DNMBP: variants seen among roughly 807,000 people sequenced by gnomAD.
DNMBP encodes the protein dynamin-binding protein.
A neutral mutation model predicts 150.0 loss-of-function variants in DNMBP; 87 were observed. The observed-to-expected ratio is 0.58, with a 90% CI of 0.49 to 0.69. The LOEUF (loss-of-function observed/expected upper bound fraction) is 0.69. Ranked by LOEUF, DNMBP falls within the 30% of genes least tolerant of loss-of-function variation. DNMBP has a pLI of 0.00. For missense variants in DNMBP, 1,774 were observed against 1,949.0 expected, an observed-to-expected ratio of 0.91 and a Z score of 1.69; for synonymous variants, 711 against 750.4, an observed-to-expected ratio of 0.95 and a Z score of 0.86.
intron 3 of DNMBP, among the ~76,000 whole-genome samples, chr10:99,960,069 C>T (rs369230784): frequency 6.4e-4 from 97 of 152,028 alleles, no homozygotes; most frequent in South Asian, 8.3e-4. Context: ...CCTCACAAAA[C>T]GTAAGCTGAA....
At chr10:99,958,629 T>C (rs145114707) in intron 3 of DNMBP, among the ~76,000 whole-genome samples, 1 of 152,238 alleles carries the variant, frequency 6.6e-6, no homozygotes, top group Non-Finnish European at 1.5e-5. Flanking sequence ...TCTACTACCA[T>C]GGGCTTGGCA....
intron 11 of DNMBP, among the ~76,000 whole-genome samples, chr10:99,890,525 T>G (rs992646477): frequency 3.3e-5 from 5 of 152,170 alleles, no homozygotes; most frequent in Admixed American, 3.3e-4. Flanking sequence ...AGGTATATAG[T>G]GTCACACTTT....
chr10:100,009,668 A>G (rs1225587379), intron 1 of DNMBP, among the ~76,000 whole-genome samples, 170 bp downstream of exon 1: 1 of 151,636 alleles, frequency 6.6e-6, no homozygotes, highest in Non-Finnish European at 1.5e-5. Flanking sequence ...CTCCTGGCCC[A>G]CAGAGCGCAG....
chr10:99,889,894 G>C (rs1171227183), intron 11 of DNMBP, among the ~76,000 whole-genome samples: 1 of 151,540 alleles, frequency 6.6e-6, no homozygotes, highest in Non-Finnish European at 1.5e-5. Flanking sequence ...TATAGGATTA[G>C]GATAATGACC....
At chr10:99,935,600 C>T (rs563073959) in intron 4 of DNMBP, among the ~76,000 whole-genome samples, 33 of 152,156 alleles carry the variant, frequency 2.2e-4, no homozygotes, top group African/African-American at 7.7e-4. Context: ...GTTTTGCTCT[C>T]GTCACACAGG....
chr10:99,994,008 G>A (rs2040926054), intron 1 of DNMBP, among the ~76,000 whole-genome samples: 1 of 152,176 alleles, frequency 6.6e-6, no homozygotes, highest in Non-Finnish European at 1.5e-5. Context: ...TGGAGGGTAG[G>A]TAACAAACAC....
At chr10:99,998,105 C>G (rs570621512) in intron 1 of DNMBP, among the ~76,000 whole-genome samples, 154 of 150,878 alleles carry the variant, frequency 1.0e-3, no homozygotes, top group Non-Finnish European at 1.9e-3. Flanking sequence ...CGTGGTGGCG[C>G]ACACCTGTAT....
intron 15 of DNMBP, among the ~76,000 whole-genome samples, chr10:99,882,639 AAAACTT>A (rs1407239018): frequency 1.2e-4 from 19 of 152,320 alleles, no homozygotes; most frequent in African/African-American, 3.4e-4. Flanking sequence ...GTTATAAACT[AAAACTT>A]AAAGTATCTC....
At chr10:99,972,170 A>G (rs1370046216) in intron 1 of DNMBP, 36 bp from the exon 2 acceptor site, 9 of 1,566,670 alleles carry the variant, frequency 5.7e-6, no homozygotes, top group Non-Finnish European at 7.8e-6. Flanking sequence ...GAAAACATCA[A>G]TATTTAAGAC....
At chr10:99,949,994 C>G (rs990246761) in intron 4 of DNMBP, among the ~76,000 whole-genome samples, 6 of 152,050 alleles carry the variant, frequency 3.9e-5, no homozygotes, top group African/African-American at 1.4e-4. Flanking sequence ...TTTTATTCTC[C>G]CACCTATATA....
At chr10:99,982,865 C>A (rs563120664) in intron 1 of DNMBP, among the ~76,000 whole-genome samples, 1 of 151,862 alleles carries the variant, frequency 6.6e-6, no homozygotes, top group African/African-American at 2.4e-5. Flanking sequence ...TATGGGGGAG[C>A]AGCTCTGAGG....
chr10:99,998,031 C>T (rs1324380057), intron 1 of DNMBP, among the ~76,000 whole-genome samples: 2 of 145,308 alleles, frequency 1.4e-5, no homozygotes, highest in Non-Finnish European at 3.0e-5. Flanking sequence ...GTCAGGAGAT[C>T]AAGACCATCC....
intron 6 of DNMBP, among the ~76,000 whole-genome samples, chr10:99,902,032 A>G (rs2039748491): frequency 6.6e-6 from 1 of 151,704 alleles, no homozygotes; most frequent in Non-Finnish European, 1.5e-5. Flanking sequence ...CCTCCTGAGT[A>G]GCTGGGACAC....
intron 6 of DNMBP, among the ~76,000 whole-genome samples, chr10:99,904,998 G>A (rs1346835317): frequency 6.6e-6 from 1 of 152,038 alleles, no homozygotes; most frequent in Admixed American, 6.6e-5. Context: ...GTAATAAACT[G>A]GAAGAAAAAT....
intron 11 of DNMBP, among the ~76,000 whole-genome samples, chr10:99,890,953 A>T (rs1179314956): frequency 6.6e-6 from 1 of 152,114 alleles, no homozygotes; most frequent in African/African-American, 2.4e-5. Flanking sequence ...GGCCCTAGTT[A>T]CATTTTTAAA....
In DNMBP at chr10:99,909,078, G is replaced by A. The variant is rs2039866808; in HGVS notation, c.2329C>T (p.Pro777Ser). ...CTCTTCTCCAGCATCCTCTGCTCTG[G>A]ATTTTCGGCAGACACAGACCCAGAA... Reference protein sequence around the residue: ...APSGSVSAENPEQRMLEKRAK... With the variant: ...APSGSVSAENSEQRMLEKRAK... The change falls in exon 5 of 17, where the codon CCA (proline) becomes TCA (serine). Residue 777 changes from proline (P) to serine (S), a missense_variant. Pro to Ser is a moderately conservative substitution (Grantham distance 74). Around this residue, in one of 2 missense-constraint regions of DNMBP, gnomAD observed 1,430 missense variants for 1,492.5 expected, o/e 0.96. Coordinates refer to ENST00000324109, the MANE Select transcript of DNMBP (RefSeq NM_015221.4). The A allele has an allele frequency of 1.2e-6, 2 of 1,614,154 alleles. No individual in the cohort carries two copies. Among genetic ancestry groups the A allele is most frequent in the Non-Finnish European group, 1.7e-6 (2 of 1,180,022 alleles).
At chr10:99,901,908 T>G (rs995267931) in intron 6 of DNMBP, among the ~76,000 whole-genome samples, 3 of 152,040 alleles carry the variant, frequency 2.0e-5, no homozygotes, top group African/African-American at 4.8e-5. Context: ...AGAACTTTTT[T>G]TTTTCCTTTT....
intron 1 of DNMBP, among the ~76,000 whole-genome samples, chr10:99,972,755 C>T (rs891162522): frequency 2.0e-5 from 3 of 152,128 alleles, no homozygotes; most frequent in African/African-American, 7.2e-5. Context: ...GAACTACAGG[C>T]GCACACCACT....
chr10:99,964,486 C>T (rs1423915657), intron 3 of DNMBP, among the ~76,000 whole-genome samples: 1 of 150,870 alleles, frequency 6.6e-6, no homozygotes, highest in African/African-American at 2.5e-5. Context: ...CCTTTCTTTT[C>T]TCCTGTTTTT....
Sources: gnomAD v4.1 joint callset for allele counts (sites outside exome capture counted in the v4.1 genomes callset) on GRCh38, gnomAD v4.1.1 for gene constraint, gnomAD v4.1.1 regional missense constraint, MANE v1.5 for transcripts, NCBI Gene and HGNC (gene_info 2026-07-23, HGNC 2026-07-21) for gene names.